The following RIMS2 variants were observed in gnomAD, a reference collection of about 807,000 sequenced individuals.
The protein encoded by RIMS2 is regulating synaptic membrane exocytosis 2.
In RIMS2, 59 loss-of-function variants were observed where a neutral mutation model predicts 174.4. The observed-to-expected ratio is 0.34, with a 90% confidence interval of 0.27 to 0.42. The LOEUF is 0.42. RIMS2 is among the 10% of genes least tolerant of loss of function. The pLI is 1.00. For synonymous variants in RIMS2, 606 were observed against 572.5 expected, an observed-to-expected ratio of 1.06 and a Z score of -0.84; for missense variants, 1,620 against 1,666.3, an observed-to-expected ratio of 0.97 and a Z score of 0.48.
intron 1 of RIMS2, among the ~76,000 whole-genome samples, chr8:103,695,365 A>G (rs1590530404): frequency 6.6e-6 from 1 of 152,128 alleles, no homozygotes; most frequent in African/African-American, 2.4e-5. Flanking sequence ...TCATAAAACC[A>G]GCATTTGGTT....
chr8:103,940,366 T>C (rs1301834081), intron 13 of RIMS2, among the ~76,000 whole-genome samples: 1 of 152,128 alleles, frequency 6.6e-6, no homozygotes, highest in African/African-American at 2.4e-5. Flanking sequence ...TTCATTATGA[T>C]GAGAGCAGCA....
chr8:103,610,782 G>A (rs2095340753), intron 1 of RIMS2, among the ~76,000 whole-genome samples: 1 of 152,090 alleles, frequency 6.6e-6, no homozygotes, highest in African/African-American at 2.4e-5. Flanking sequence ...ATATTGGCTG[G>A]AAATTTTCTT....
At chr8:103,645,928 C>T (rs2096320517) in intron 1 of RIMS2, among the ~76,000 whole-genome samples, 1 of 152,018 alleles carries the variant, frequency 6.6e-6, no homozygotes, top group Admixed American at 6.6e-5. Context: ...CACCTGGGTG[C>T]AGGTGGGCTG....
intron 1 of RIMS2, among the ~76,000 whole-genome samples, chr8:103,575,164 T>C (rs984458725): frequency 1.3e-5 from 2 of 152,172 alleles, no homozygotes; most frequent in African/African-American, 4.8e-5. Context: ...AAAGAACTTA[T>C]ATAAATGTCC....
intron 19 of RIMS2, among the ~76,000 whole-genome samples, chr8:104,053,815 A>G (rs1400904280): frequency 6.6e-6 from 1 of 152,144 alleles, no homozygotes; most frequent in Non-Finnish European, 1.5e-5. Flanking sequence ...GTGGCCTTAC[A>G]GTGACAAAGA....
intron 19 of RIMS2, among the ~76,000 whole-genome samples, chr8:104,044,070 G>T (rs191953164): frequency 1.3e-5 from 2 of 151,726 alleles, no homozygotes; most frequent in African/African-American, 4.8e-5. Flanking sequence ...CTTCCCCTCA[G>T]AATGTTTCCC....
At chr8:103,935,865 T>C (rs1225737666) in intron 12 of RIMS2, among the ~76,000 whole-genome samples, 1 of 152,218 alleles carries the variant, frequency 6.6e-6, no homozygotes, top group African/African-American at 2.4e-5. Context: ...TATAACAGTA[T>C]GGTAACACAT....
intron 19 of RIMS2, among the ~76,000 whole-genome samples, chr8:104,028,026 G>A (rs565747332): frequency 3.2e-4 from 48 of 152,020 alleles, no homozygotes; most frequent in African/African-American, 1.2e-3. Context: ...GACCTCCTGG[G>A]CTCAACTGAT....
At chr8:103,917,715 A>G (rs1238084861) in intron 8 of RIMS2, among the ~76,000 whole-genome samples, 3 of 152,168 alleles carry the variant, frequency 2.0e-5, no homozygotes, top group South Asian at 2.1e-4. Flanking sequence ...TTTCTCAATG[A>G]TGTTACTACA....
intron 19 of RIMS2, among the ~76,000 whole-genome samples, chr8:104,186,994 G>A (rs541540296): frequency 6.6e-6 from 1 of 151,348 alleles, no homozygotes; most frequent in African/African-American, 2.4e-5. Flanking sequence ...AATAGGTTTA[G>A]GGAAAAAAAG....
chr8:103,791,050 A>G (rs1188521267), intron 3 of RIMS2, among the ~76,000 whole-genome samples: 4 of 152,192 alleles, frequency 2.6e-5, no homozygotes. Context: ...GCCAACATTC[A>G]AATTCAGGAA....
chr8:103,778,210 A>G (rs1230743545), intron 3 of RIMS2, among the ~76,000 whole-genome samples: 1 of 152,088 alleles, frequency 6.6e-6, no homozygotes, highest in African/African-American at 2.4e-5. Flanking sequence ...TGTAAAGACC[A>G]AATCAAGGTA....
intron 10 of RIMS2, among the ~76,000 whole-genome samples, chr8:103,923,519 G>A (rs72681373): frequency 0.13 from 19,256 of 151,712 alleles, 1,690 homozygotes; most frequent in Non-Finnish European, 0.19. Flanking sequence ...AGGTACATCT[G>A]TTAAATATTT....
At chr8:104,038,793 T>A (rs947865419) in intron 19 of RIMS2, among the ~76,000 whole-genome samples, 3 of 151,758 alleles carry the variant, frequency 2.0e-5, no homozygotes, top group African/African-American at 4.8e-5. Flanking sequence ...CCACAGGAAA[T>A]CCAAAAAACC....
rs551296593 is a variant in RIMS2 at position 104,116,672 on chromosome 8, A to G, written c.3334+102057A>G. 1.6e-4 allele frequency among the ~76,000 whole-genome samples: 24 copies of G among 152,284 alleles called. 2 individuals are homozygous for G. The South Asian group carries it at 4.8e-3, about 30-fold the overall frequency. On this transcript the variant is annotated intron_variant, in intron 19 of 23. Transcript: ENST00000504942. ...CTTGGGAGATACTATAAAATTTACC[A>G]TGAAAGATGATGGTTTCAATTTTGT... is the stretch of plus-strand genomic sequence containing the variant.
At chr8:103,957,280 A>G (rs1207426405) in intron 14 of RIMS2, among the ~76,000 whole-genome samples, 1 of 152,204 alleles carries the variant, frequency 6.6e-6, no homozygotes, top group Non-Finnish European at 1.5e-5. Context: ...GAATCATTCT[A>G]ATGTAAGGAC....
chr8:103,754,123 G>T lies in RIMS2; in HGVS notation c.388-12104G>T, dbSNP rs978899116. Among the ~76,000 whole-genome samples, 3 of 152,124 alleles carry T rather than the reference G, an allele frequency of 2.0e-5. No individual in the cohort carries two copies. In the South Asian group the frequency reaches 6.2e-4, roughly 31 times the overall value. On this transcript the variant is annotated intron_variant, in intron 2 of 23. Coordinates refer to ENST00000504942, the Ensembl canonical transcript of RIMS2. ...AAGTGTGTCCCAGAGATTCTGGTAC[G>T]TTGTTTCTTTGTTCTTATTGGTTTC...
chr8:104,105,050 G>A (rs1355865990), intron 19 of RIMS2, among the ~76,000 whole-genome samples: 6 of 152,032 alleles, frequency 3.9e-5, no homozygotes, highest in Admixed American at 6.6e-5. Context: ...ATAATTGGGC[G>A]GTTGGTTAGG....
At chr8:103,744,040 G>T (rs183354498) in intron 2 of RIMS2, among the ~76,000 whole-genome samples, 15 of 152,088 alleles carry the variant, frequency 9.9e-5, no homozygotes, top group Admixed American at 6.6e-4. Flanking sequence ...AGGATTTTTT[G>T]TTGTTGTTTG....
Sources: gnomAD v4.1 joint callset for allele counts (sites outside exome capture counted in the v4.1 genomes callset) on GRCh38, gnomAD v4.1.1 for gene constraint, MANE v1.5 for transcripts, NCBI Gene and HGNC (gene_info 2026-07-23, HGNC 2026-07-21) for gene names.